RIPOR1: variants seen among roughly 807,000 people sequenced by gnomAD.
RIPOR1 encodes the protein rho family-interacting cell polarization regulator 1.
In RIPOR1, 58 loss-of-function variants were observed where a neutral mutation model predicts 116.5. The ratio of observed to expected loss-of-function variants is 0.50; its 90% CI spans 0.40 to 0.62. The LOEUF (loss-of-function observed/expected upper bound fraction) is 0.62, where lower values mean the gene tolerates loss of function less well. RIPOR1 is among the 20% of genes least tolerant of loss of function. The pLI is 0.00. For synonymous variants in RIPOR1, 605 were observed against 650.0 expected, an observed-to-expected ratio of 0.93 and a Z score of 1.05; for missense variants, 1,372 against 1,586.2, an observed-to-expected ratio of 0.86 and a Z score of 2.29.
upstream of RIPOR1, among the ~76,000 whole-genome samples, chr16:67,526,470 C>G (rs1031438146): frequency 1.3e-5 from 2 of 152,064 alleles, no homozygotes; most frequent in South Asian, 4.1e-4. Context: ...GGAATTAATT[C>G]AAAAGATGTT....
chr16:67,542,141 G>A lies in RIPOR1; in HGVS notation c.1355G>A (p.Ser452Asn). Residue 452 changes from serine (S) to asparagine (N), a missense_variant, in exon 13 of 22, where the codon AGT (serine) becomes AAT (asparagine). Ser to Asn is a conservative substitution (Grantham distance 46). Around this residue, in one of 3 missense-constraint regions of RIPOR1, gnomAD observed 1,005 missense variants for 1,144.7 expected, o/e 0.88. Coordinates refer to ENST00000042381, the MANE Select transcript of RIPOR1 (RefSeq NM_024519.4). The surrounding 1 kb of genome is among the most constrained non-coding windows in gnomAD (Gnocchi z 4.6). ...TACAGTCGGACTCTGAGCCACATCA[G>A]TGAGGCTAGTGTAGATGCTGCCTTG... Reference protein sequence around the residue: ...APYSRTLSHISEASVDAALAE... With the variant: ...APYSRTLSHINEASVDAALAE... The A allele has an allele frequency of 6.2e-7, 1 of 1,613,894 alleles. No homozygotes were observed. Among genetic ancestry groups the A allele is most frequent in the Non-Finnish European group, 8.5e-7 (1 of 1,179,834 alleles).
At position 67,529,766 on chromosome 16, in the gene RIPOR1, C is replaced by A; in HGVS notation, c.-24+852C>A. ...ATACTTGTGCCCTGGCTGCAGTCTG[C>A]GGGGCCGCGCCCTGGGCCTGCCGCA... On this transcript the variant is annotated intron_variant, in intron 1 of 21. Transcript: ENST00000042381. The surrounding 1 kb of genome is among the most constrained non-coding windows in gnomAD (Gnocchi z 4.1). The A allele has an allele frequency of 1.3e-6, 2 of 1,534,874 alleles. No individual in the cohort carries two copies. The highest frequency in any genetic ancestry group is 1.7e-6 in the Non-Finnish European group (2 of 1,146,676).
intron 1 of RIPOR1, among the ~76,000 whole-genome samples, chr16:67,533,827 G>A (rs2050723702): frequency 7.1e-6 from 1 of 141,048 alleles, no homozygotes; most frequent in Non-Finnish European, 1.5e-5. Context: ...TTTTTTCTGA[G>A]ATGGAGTTTT....
At chr16:67,520,657 T>C (rs2050487896) in intron 1 of RIPOR1, among the ~76,000 whole-genome samples, 1 of 151,062 alleles carries the variant, frequency 6.6e-6, no homozygotes, top group Non-Finnish European at 1.5e-5. Flanking sequence ...AAAAATTAGC[T>C]GGGCATGGGG....
At position 67,538,824 on chromosome 16, in the gene RIPOR1, C is replaced by G; in HGVS notation, c.257C>G (p.Thr86Arg). 6.2e-7 allele frequency: 1 copy of G among 1,612,740 alleles called. No individual in the cohort carries two copies. The highest frequency in any genetic ancestry group is 8.5e-7 in the Non-Finnish European group (1 of 1,179,842). The change falls in exon 3 of 22, where the codon ACG (threonine) becomes AGG (arginine). Residue 86 changes from threonine (T) to arginine (R), a missense_variant and splice_region_variant. By Grantham distance (71) the Thr-to-Arg change is moderately conservative (BLOSUM62 -1). Transcript: ENST00000042381. ...LVYTALKRGL[T>R]AYLEVHQQEQ... ...TACACGGCGCTGAAGCGGGGCCTGACGTGAGCAGCTCCTCTGTTCCCAGCC... is the reference window on the plus strand; with the variant it reads ...TACACGGCGCTGAAGCGGGGCCTGAGGTGAGCAGCTCCTCTGTTCCCAGCC...
rs2050952221 is a variant in RIPOR1, at chr16:67,540,618, G to T, written c.715G>T (p.Gly239Cys). Residue 239 changes from glycine (G) to cysteine (C), a missense_variant, in exon 10 of 22, where the codon GGC becomes TGC. Physicochemically the swap from Gly to Cys is radical, Grantham distance 159. This residue lies in a region of RIPOR1 where 202 missense variants were observed against 295.9 expected (regional missense o/e 0.68). Coordinates refer to ENST00000042381, the MANE Select transcript of RIPOR1 (RefSeq NM_024519.4). This position sits in a 1 kb window ranked among gnomAD's most constrained non-coding sequence, Gnocchi z 4.7. ...TGGGCGTCAGCGCTGGAAACTACGG[G>T]GCCGAATTGAGGGTAGTGGAAAGCA... ...KYGRQRWKLR[G>C]RIEGSGKQVW... 2 of 1,613,826 alleles carry T rather than the reference G, an allele frequency of 1.2e-6. No individual in the cohort carries two copies. The highest frequency in any genetic ancestry group is 1.7e-6 in the Non-Finnish European group (2 of 1,179,928).
rs1275825558 is a variant in RIPOR1, at chr16:67,545,401, C to G, written c.3057C>G (p.Ala1019=). 6.2e-7 allele frequency: 1 copy of G among 1,614,002 alleles called. No homozygotes were observed. Among genetic ancestry groups the G allele is most frequent in the Non-Finnish European group, 8.5e-7 (1 of 1,180,012 alleles). ...EAVCVKFLED[A]LGQKLPRRPQ... is the part of the protein sequence containing the mutation. The stretch of plus-strand genomic sequence containing the variant: ...TGTGTGTGAAGTTCCTGGAGGATGC[C>G]CTGGGGCAGAAGCTGCCCAGAAGGC... Residue 1019 remains alanine, a synonymous_variant, in exon 18 of 22, where the codon GCC becomes GCG. Transcript: ENST00000042381. The surrounding 1 kb of genome is among the most constrained non-coding windows in gnomAD (Gnocchi z 4.8).
intron 5 of RIPOR1, 23 bp from the exon 6 acceptor site, chr16:67,539,823 C>T: frequency 6.2e-7 from 1 of 1,614,218 alleles, no homozygotes; most frequent in Non-Finnish European, 8.5e-7. Context: ...CCTCAGGCCC[C>T]TCCTGACCCA....
In RIPOR1 at chr16:67,543,032, T is replaced by A; in HGVS notation, c.2246T>A (p.Val749Asp). The change falls in exon 13 of 22, where the codon GTT becomes GAT. Residue 749 changes from valine to aspartate, a missense_variant. Coordinates refer to ENST00000042381, the MANE Select transcript of RIPOR1 (RefSeq NM_024519.4). This position sits in a 1 kb window ranked among gnomAD's most constrained non-coding sequence, Gnocchi z 4.7. ...GCCCCAGATCCCTCAGAGTCTACGG[T>A]TCAGAGTCTAAGCCCCACTCCCTCA... Reference protein sequence around the residue: ...SPAPDPSESTVQSLSPTPSPP... With the variant: ...SPAPDPSESTDQSLSPTPSPP... 2.6e-6 allele frequency: 4 copies of A among 1,541,888 alleles called. No individual in the cohort carries two copies. Among genetic ancestry groups the A allele is most frequent in the Non-Finnish European group, 3.5e-6 (4 of 1,146,952 alleles).
Position 67,540,442 on chromosome 16 carries a change from T to C in RIPOR1, c.632-16T>C. The C allele has an allele frequency of 6.2e-7, 1 of 1,614,184 alleles. No individual in the cohort carries two copies. The highest frequency in any genetic ancestry group is 8.5e-7 in the Non-Finnish European group (1 of 1,180,028). ...CAATATGGCTCACCGACTTCTCCCC[T>C]TCTCCTCCAACTCAGGGCTGGCTGG... On this transcript the variant is annotated splice_polypyrimidine_tract_variant and intron_variant, in intron 8 of 21. Transcript: ENST00000042381. This position sits in a 1 kb window ranked among gnomAD's most constrained non-coding sequence, Gnocchi z 4.7.
chr16:67,526,025 C>T (rs2050536875), upstream of RIPOR1, among the ~76,000 whole-genome samples: 1 of 152,154 alleles, frequency 6.6e-6, no homozygotes, highest in African/African-American at 2.4e-5. Flanking sequence ...GGGATGCTGC[C>T]CTTCCCTCGA....
chr16:67,537,335 G>A lies in RIPOR1; in HGVS notation c.-23-1089G>A, dbSNP rs2050819385. 1.7e-6 allele frequency: 2 copies of A among 1,201,050 alleles called. No individual in the cohort carries two copies. Among genetic ancestry groups the A allele is most frequent in the African/African-American group, 1.6e-5 (1 of 63,422 alleles). 74.4% of individuals were successfully genotyped at this position (1,201,050 alleles called of 1,614,324 possible). ...CCCTTTACGCACATTGCTGACCCCA[G>A]CTGAGCAGACCCCTCGCCCCCCGTC... On this transcript the variant is annotated intron_variant, in intron 1 of 21. Transcript: ENST00000042381. This position sits in a 1 kb window ranked among gnomAD's most constrained non-coding sequence, Gnocchi z 4.6.
chr16:67,539,983 C>G (rs1002049784), intron 6 of RIPOR1, 70 bp from the exon 7 acceptor site: 2 of 1,613,342 alleles, frequency 1.2e-6, no homozygotes, highest in African/African-American at 2.7e-5. Context: ...CCTGGGTGAG[C>G]AACCTTAGAG....
intron 1 of RIPOR1, among the ~76,000 whole-genome samples, chr16:67,520,466 A>AGAG (rs2050486622): frequency 6.6e-6 from 1 of 151,974 alleles, no homozygotes; most frequent in African/African-American, 2.4e-5. Context: ...AGAAGAGAAA[A>AGAG]AAGAAAAGAG....
At position 67,529,865 on chromosome 16, in the gene RIPOR1, T is replaced by C; in HGVS notation, c.-24+951T>C. 6.6e-7 allele frequency: 1 copy of C among 1,512,182 alleles called. No individual in the cohort carries two copies. The highest frequency in any genetic ancestry group is 8.9e-7 in the Non-Finnish European group (1 of 1,125,124). 93.7% of individuals were successfully genotyped at this position (1,512,182 alleles called of 1,614,324 possible). On this transcript the variant is annotated intron_variant, in intron 1 of 21. Transcript: ENST00000042381. This position sits in a 1 kb window ranked among gnomAD's most constrained non-coding sequence, Gnocchi z 4.1. ...GCAGAAACAGGCCCAGAGAGGTTAG[T>C]AGTATTCTCAAGGTCACACAGCTGG...
At chr16:67,536,148 A>G (rs966931091) in intron 1 of RIPOR1, among the ~76,000 whole-genome samples, 1 of 152,140 alleles carries the variant, frequency 6.6e-6, no homozygotes, top group Non-Finnish European at 1.5e-5. Context: ...TGGACATGGG[A>G]TATTCAAAGA....
Position 67,541,268 on chromosome 16 carries a change from C to T in RIPOR1, c.802-162C>T. ...TTTTTTTTTTTGAGACAGAGTCTTGCCATGTTGCCCAAGCTGGTCTTGAAC... is the reference window on the plus strand; with the variant it reads ...TTTTTTTTTTTGAGACAGAGTCTTGTCATGTTGCCCAAGCTGGTCTTGAAC... On this transcript the variant is annotated intron_variant, in intron 10 of 21. Coordinates refer to ENST00000042381, the MANE Select transcript of RIPOR1 (RefSeq NM_024519.4). This position sits in a 1 kb window ranked among gnomAD's most constrained non-coding sequence, Gnocchi z 4.6. The T allele has an allele frequency of 1.6e-6, 1 of 622,884 alleles. No individual in the cohort carries two copies. Among genetic ancestry groups the T allele is most frequent in the Non-Finnish European group, 2.7e-6 (1 of 375,536 alleles). The allele number at this position is 622,884 out of a possible 1,614,324, so 38.6% of individuals were successfully genotyped here.
At position 67,537,956 on chromosome 16, in the gene RIPOR1, C is replaced by A. The variant is rs573275975; in HGVS notation, c.-23-468C>A. On this transcript the variant is annotated intron_variant, in intron 1 of 21. Coordinates refer to ENST00000042381, the MANE Select transcript of RIPOR1 (RefSeq NM_024519.4). This position sits in a 1 kb window ranked among gnomAD's most constrained non-coding sequence, Gnocchi z 4.6. ...CCTGTCGGGCAGCTCCGCAGGGCTCCGAGCGTGGCCCCGCCCCGCCCCGTG... is the reference window on the plus strand; with the variant it reads ...CCTGTCGGGCAGCTCCGCAGGGCTCAGAGCGTGGCCCCGCCCCGCCCCGTG... 4.3e-6 allele frequency: 1 copy of A among 230,854 alleles called. No homozygotes were observed. The highest frequency in any genetic ancestry group is 8.4e-6 in the Non-Finnish European group (1 of 119,590). 14.3% of individuals were successfully genotyped at this position (230,854 alleles called of 1,614,324 possible). A position where few individuals can be genotyped will look rare whatever the true frequency, so the allele number is the denominator to read the frequency against.
In RIPOR1 at chr16:67,544,510, T is replaced by C; in HGVS notation, c.2733+79T>C. 1 of 1,552,212 alleles carries C rather than the reference T, an allele frequency of 6.4e-7. No homozygotes were observed. Among genetic ancestry groups the C allele is most frequent in the Non-Finnish European group, 8.7e-7 (1 of 1,146,986 alleles). ...GTCCTGCCCTTCCATCCTGGTCCTCTATACCTCCTCTGAGTGCCACACCCC... is the reference window on the plus strand; with the variant it reads ...GTCCTGCCCTTCCATCCTGGTCCTCCATACCTCCTCTGAGTGCCACACCCC... On this transcript the variant is annotated intron_variant, in intron 15 of 21. Transcript: ENST00000042381. This position sits in a 1 kb window ranked among gnomAD's most constrained non-coding sequence, Gnocchi z 5.1.
Sources: allele counts gnomAD v4.1 joint callset (sites outside exome capture counted in the v4.1 genomes callset), GRCh38; gene constraint gnomAD v4.1.1; regional missense constraint gnomAD v4.1.1; non-coding constraint Gnocchi (gnomAD v3.1); transcripts MANE v1.5; gene names NCBI Gene and HGNC (gene_info 2026-07-23, HGNC 2026-07-21).